Variants in LAMA3 observed in about 807,000 individuals in gnomAD.
LAMA3 encodes the protein laminin subunit alpha-3.
A neutral mutation model predicts 402.0 loss-of-function variants in LAMA3; 281 were observed. The observed-to-expected ratio is 0.70, with a 90% CI of 0.63 to 0.77. LAMA3 has a LOEUF of 0.77. Ranked by LOEUF, LAMA3 falls within the 30% of genes least tolerant of loss-of-function variation. LAMA3 has a pLI of 0.00. For synonymous variants in LAMA3, 1,431 were observed against 1,558.4 expected (o/e 0.92, Z 1.93); for missense variants, 3,840 against 4,215.5 (o/e 0.91, Z 2.47).
chr18:23,954,572 AT>A lies in LAMA3; in HGVS notation c.9927del (p.His3310ThrfsTer18). 1.9e-6 allele frequency: 3 copies of A among 1,613,860 alleles called. No individual in the cohort carries two copies. Among genetic ancestry groups the A allele is most frequent in the Non-Finnish European group, 2.5e-6 (3 of 1,179,814 alleles). The part of the protein sequence containing the change: ...FFGCLRNIHV[N>X]HIPVPVTEAL... ...GGCTGTCTGAGGAATATTCATGTCA[AT>A]CACATCCCTGTCCCTGTCACTGAAG... On this transcript the variant is annotated frameshift_variant, in exon 75 of 75. Coordinates refer to ENST00000313654, the MANE Select transcript of LAMA3 (RefSeq NM_198129.4). LOFTEE classifies it high-confidence loss of function.
chr18:23,743,840 C>T (rs775751979), intron 2 of LAMA3, among the ~76,000 whole-genome samples: 7 of 152,200 alleles, frequency 4.6e-5, no homozygotes, highest in African/African-American at 1.4e-4. Context: ...CCCCCAAATA[C>T]GATCTCTTTG....
intron 8 of LAMA3, among the ~76,000 whole-genome samples, chr18:23,766,761 C>T (rs896955626): frequency 1.3e-5 from 2 of 151,998 alleles, no homozygotes; most frequent in African/African-American, 4.8e-5. Flanking sequence ...ATCACTTGAA[C>T]CCAGGAGGCA....
chr18:23,794,378 G>T (rs2062721878), intron 12 of LAMA3, among the ~76,000 whole-genome samples: 1 of 152,196 alleles, frequency 6.6e-6, no homozygotes, highest in Admixed American at 6.5e-5. Context: ...CAGAAACTGT[G>T]GGCGAAAACC....
At chr18:23,712,057 T>A (rs2060999859) in intron 1 of LAMA3, among the ~76,000 whole-genome samples, 1 of 152,184 alleles carries the variant, frequency 6.6e-6, no homozygotes, top group Non-Finnish European at 1.5e-5. Flanking sequence ...GGGAAAATAC[T>A]GATAGTAAGT....
At chr18:23,913,578 G>A (rs369093983) in intron 56 of LAMA3, among the ~76,000 whole-genome samples, 28 of 152,128 alleles carry the variant, frequency 1.8e-4, no homozygotes, top group African/African-American at 6.3e-4. Flanking sequence ...TTCAGTTGTT[G>A]GAAGAAAAAT....
chr18:23,699,047 AGAG>A (rs1453946923), intron 1 of LAMA3, among the ~76,000 whole-genome samples: 4 of 151,812 alleles, frequency 2.6e-5, no homozygotes, highest in African/African-American at 7.3e-5. Context: ...AGAGAGAGAG[AGAG>A]AGAGAAAGAA....
intron 67 of LAMA3, among the ~76,000 whole-genome samples, chr18:23,937,483 A>G (rs1273751170): frequency 6.6e-6 from 1 of 152,034 alleles, no homozygotes; most frequent in East Asian, 1.9e-4. Context: ...AGAGTAGGAC[A>G]TGAGAACTGA....
At chr18:23,861,507 T>G in intron 34 of LAMA3, 139 bp from the exon 35 acceptor site, 3 of 876,214 alleles carry the variant, frequency 3.4e-6, no homozygotes, top group Non-Finnish European at 5.6e-6. Context: ...GGAGGGCAGG[T>G]GCAGGAGTAG....
Position 23,788,272 on chromosome 18 carries a change from CAAT to C in LAMA3, c.1603+4117_1603+4119del, listed in dbSNP as rs554859363. Reference sequence around the variant, plus strand: ...TAGAGAGACATAATATGTATAATAACAATAGTACAAAAATGGTGGAGAGGGAAT... The same window carrying C: ...TAGAGAGACATAATATGTATAATAACAGTACAAAAATGGTGGAGAGGGAAT... On this transcript the variant is annotated intron_variant, in intron 12 of 74. Coordinates refer to ENST00000313654, the MANE Select transcript of LAMA3 (RefSeq NM_198129.4). Among the ~76,000 whole-genome samples the C allele has an allele frequency of 4.7e-4, 72 of 151,658 alleles. 1 individual carries two copies. The highest frequency in any genetic ancestry group is 1.3e-3 in the Admixed American group (20 of 15,250).
chr18:23,894,167 T>A, intron 42 of LAMA3, 131 bp from the exon 43 acceptor site: 1 of 741,778 alleles, frequency 1.3e-6, no homozygotes, highest in East Asian at 2.7e-5. Context: ...CTTAAAATGG[T>A]GAAAACCACA....
intron 2 of LAMA3, among the ~76,000 whole-genome samples, chr18:23,734,100 G>A (rs1395103408): frequency 1.3e-5 from 2 of 152,220 alleles, no homozygotes. Context: ...AAAAAGTGAC[G>A]CAACATCTCT....
chr18:23,951,893 G>A lies in LAMA3; in HGVS notation c.9736+116G>A, dbSNP rs898279852. The A allele has an allele frequency of 1.2e-5, 9 of 780,876 alleles. No individual in the cohort carries two copies. In the African/African-American group the frequency reaches 1.2e-4, roughly 10 times the overall value. 48.4% of individuals were successfully genotyped at this position (780,876 alleles called of 1,614,324 possible). A position where few individuals can be genotyped will look rare whatever the true frequency, so the allele number is the denominator to read the frequency against. On this transcript the variant is annotated intron_variant, in intron 73 of 74. Coordinates refer to ENST00000313654, the MANE Select transcript of LAMA3 (RefSeq NM_198129.4). ...CATCCACAGTGCCTGACCAGGGCCA[G>A]CCCCCGAGGCTAACGTGTCCATTCA...
chr18:23,872,380 T>C (rs1353670365), intron 38 of LAMA3, among the ~76,000 whole-genome samples: 4 of 152,220 alleles, frequency 2.6e-5, no homozygotes, highest in African/African-American at 9.6e-5. Flanking sequence ...TTAATTTCTC[T>C]GGCTATAAGT....
chr18:23,779,362 A>C (rs988699892), intron 11 of LAMA3, among the ~76,000 whole-genome samples: 2 of 152,196 alleles, frequency 1.3e-5, no homozygotes, highest in Non-Finnish European at 2.9e-5. Context: ...ATGGTGGTTC[A>C]GACCCAGGTG....
chr18:23,767,988 G>A (rs916500072), intron 8 of LAMA3, among the ~76,000 whole-genome samples: 4 of 151,952 alleles, frequency 2.6e-5, no homozygotes, highest in Admixed American at 6.6e-5. Flanking sequence ...AACTCAAGAC[G>A]GACTAAAGAT....
chr18:23,774,426 C>T (rs892004524), intron 9 of LAMA3, among the ~76,000 whole-genome samples: 4 of 152,154 alleles, frequency 2.6e-5, no homozygotes, highest in South Asian at 2.1e-4. Flanking sequence ...TTTTTAGATA[C>T]GGAGAAACCA....
At chr18:23,745,268 T>C (rs764276725) in intron 2 of LAMA3, among the ~76,000 whole-genome samples, 6 of 152,070 alleles carry the variant, frequency 3.9e-5, no homozygotes, top group Non-Finnish European at 5.9e-5. Flanking sequence ...GAGTATTCAT[T>C]GTATTGTTCT....
intron 12 of LAMA3, among the ~76,000 whole-genome samples, chr18:23,802,653 G>A (rs2062886879): frequency 6.6e-6 from 1 of 152,090 alleles, no homozygotes; most frequent in African/African-American, 2.4e-5. Context: ...ACGTCTCCTG[G>A]TAGAAGCATT....
At chr18:23,898,679 G>A in intron 44 of LAMA3, 59 bp from the exon 45 acceptor site, 5 of 931,518 alleles carry the variant, frequency 5.4e-6, no homozygotes, top group Non-Finnish European at 9.0e-6. Context: ...CTGTTGACCA[G>A]GTTGATAGGA....
Sources: allele counts gnomAD v4.1 joint callset (sites outside exome capture counted in the v4.1 genomes callset), GRCh38; gene constraint gnomAD v4.1.1; transcripts MANE v1.5; gene names NCBI Gene and HGNC (gene_info 2026-07-23, HGNC 2026-07-21).